The following NBEAL1 variants were observed in gnomAD, a reference collection of about 807,000 sequenced individuals.
The protein encoded by NBEAL1 is neurobeachin-like protein 1.
In NBEAL1, 273 loss-of-function variants were observed where a neutral mutation model predicts 351.3. The observed-to-expected ratio is 0.78, with a 90% CI of 0.70 to 0.86. NBEAL1 has a LOEUF of 0.86. Ranked by LOEUF, NBEAL1 falls within the 40% of genes least tolerant of loss-of-function variation. The pLI is 0.00. For synonymous variants in NBEAL1, 1,050 were observed against 1,086.4 expected, an observed-to-expected ratio of 0.97 and a Z score of 0.66; for missense variants, 2,961 against 3,201.3, an observed-to-expected ratio of 0.92 and a Z score of 1.81.
At chr2:203,213,712 C>T (rs932776111) in intron 55 of NBEAL1, 59 bp downstream of exon 55, 24 of 1,600,472 alleles carry the variant, frequency 1.5e-5, no homozygotes, top group Non-Finnish European at 2.0e-5. Context: ...TTTGGTTCTC[C>T]TTCATTCCAA....
intron 44 of NBEAL1, among the ~76,000 whole-genome samples, chr2:203,188,192 T>C (rs969212974): frequency 6.6e-6 from 1 of 152,166 alleles, no homozygotes; most frequent in Non-Finnish European, 1.5e-5. Context: ...TTTGCTGTTG[T>C]TTTTGGGCTG....
chr2:203,042,306 C>T (rs1360886568), intron 3 of NBEAL1, among the ~76,000 whole-genome samples: 1 of 152,242 alleles, frequency 6.6e-6, no homozygotes, highest in Non-Finnish European at 1.5e-5. Context: ...AAGCACTATA[C>T]TTGTGATTAC....
chr2:203,187,790 C>T (rs150227725), intron 44 of NBEAL1, among the ~76,000 whole-genome samples: 2,183 of 152,122 alleles, frequency 0.014, 25 homozygotes, highest in Middle Eastern at 0.051. Context: ...GATCTTACTG[C>T]TCTCACACTT....
intron 42 of NBEAL1, among the ~76,000 whole-genome samples, chr2:203,179,908 G>C (rs980232882): frequency 6.6e-6 from 1 of 152,032 alleles, no homozygotes; most frequent in Non-Finnish European, 1.5e-5. Context: ...CAAGTAGCTG[G>C]GATTACAGGT....
Position 203,057,334 on chromosome 2 carries a change from C to CA in NBEAL1, c.405dup (p.Glu136ArgfsTer11), listed in dbSNP as rs199940828. 357 of 1,506,080 alleles carry CA rather than the reference C, an allele frequency of 2.4e-4. No individual in the cohort carries two copies. The highest frequency in any genetic ancestry group is 3.0e-4 in the South Asian group (24 of 80,292). 93.3% of individuals were successfully genotyped at this position (1,506,080 alleles called of 1,614,324 possible). A position where few individuals can be genotyped will look rare whatever the true frequency, so the allele number is the denominator to read the frequency against. Reference sequence around the variant, plus strand: ...TTTAACTTTGTTCTCAGTTAAAAAGCAAAAAAAAAGAGAAGGAAATGGCAG... The same window carrying CA: ...TTTAACTTTGTTCTCAGTTAAAAAGCAAAAAAAAAAGAGAAGGAAATGGCAG... On this transcript the variant is annotated frameshift_variant, in exon 6 of 56. Transcript: ENST00000683969. LOFTEE classifies it high-confidence loss of function.
chr2:203,194,731 G>A (rs191935820), intron 47 of NBEAL1, among the ~76,000 whole-genome samples: 2 of 152,140 alleles, frequency 1.3e-5, no homozygotes. Context: ...CTCACCCACC[G>A]CCTACAAAAC....
At chr2:203,080,228 T>G (rs1318709209) in intron 8 of NBEAL1, among the ~76,000 whole-genome samples, 1 of 151,580 alleles carries the variant, frequency 6.6e-6, no homozygotes, top group Non-Finnish European at 1.5e-5. Flanking sequence ...GCTAACATGG[T>G]GAAACCCTGT....
Position 203,167,229 on chromosome 2 carries a change from G to A in NBEAL1, c.5866G>A (p.Val1956Ile). Reference sequence around the variant, plus strand: ...CACAAGATTTCTTCCGTTTTCAGGAGTAGGCTTTGATTTCAAGTGGCCTCA... The same window carrying A: ...CACAAGATTTCTTCCGTTTTCAGGAATAGGCTTTGATTTCAAGTGGCCTCA... ...YDGSIEKEDG[V>I]GFDFKWPHSQ... Residue 1956 changes from valine (V) to isoleucine (I), a missense_variant and splice_region_variant, in exon 38 of 56, where the codon GTA becomes ATA. By Grantham distance (29) the Val-to-Ile change is conservative. Coordinates refer to ENST00000683969, the MANE Select transcript of NBEAL1 (RefSeq NM_001378026.1). 1 of 1,608,794 alleles carries A rather than the reference G, an allele frequency of 6.2e-7. No individual in the cohort carries two copies. Among genetic ancestry groups the A allele is most frequent in the African/African-American group, 1.3e-5 (1 of 74,638 alleles).
rs899888796 is a variant in NBEAL1 at position 203,110,139 on chromosome 2, A to T, written c.1950-11A>T. 1.3e-5 allele frequency: 20 copies of T among 1,541,346 alleles called. No individual in the cohort carries two copies. The South Asian group carries it at 1.5e-4, about 11-fold the overall frequency. ...AACTTTAAAAGTTCTGATAATACGT[A>T]TTTTTTTTAGTTTTTTTACAGGAAG... is the stretch of plus-strand genomic sequence containing the variant. On this transcript the variant is annotated splice_polypyrimidine_tract_variant and intron_variant, in intron 14 of 55. Transcript: ENST00000683969.
intron 14 of NBEAL1, among the ~76,000 whole-genome samples, chr2:203,108,546 C>A (rs528558552): frequency 6.6e-6 from 1 of 152,042 alleles, no homozygotes; most frequent in East Asian, 1.9e-4. Context: ...CTACAGGCAC[C>A]CGCCACCACG....
chr2:203,139,249 G>A (rs191806267), intron 31 of NBEAL1, among the ~76,000 whole-genome samples: 61 of 151,870 alleles, frequency 4.0e-4, no homozygotes, highest in African/African-American at 1.4e-3. Flanking sequence ...ATAAATATTG[G>A]TCACAAGGAA....
Position 203,016,377 on chromosome 2 carries a change from A to G in NBEAL1, c.-8A>G. 6.8e-7 allele frequency: 1 copy of G among 1,479,116 alleles called. No individual in the cohort carries two copies. Among genetic ancestry groups the G allele is most frequent in the Non-Finnish European group, 9.1e-7 (1 of 1,097,872 alleles). 91.6% of individuals were successfully genotyped at this position (1,479,116 alleles called of 1,614,324 possible). On this transcript the variant is annotated 5_prime_UTR_variant, in exon 2 of 56. Coordinates refer to ENST00000683969, the MANE Select transcript of NBEAL1 (RefSeq NM_001378026.1). Reference sequence around the variant, plus strand: ...AGGAAAACTTAAAGTGCCAGAGTGAAAGCCAGAATGGCATCCAGAGAGAGG... The same window carrying G: ...AGGAAAACTTAAAGTGCCAGAGTGAGAGCCAGAATGGCATCCAGAGAGAGG...
At position 203,084,565 on chromosome 2, in the gene NBEAL1, G is replaced by A. The variant is rs1408291781; in HGVS notation, c.1094G>A (p.Cys365Tyr). ...FEHLIRLLQN[C>Y]KLFLNANNKV... ...CATCTCATACGACTGCTACAGAACT[G>A]CAAGGTATTTTTCTATTATTGTTGT... The change falls in exon 10 of 56, where the codon TGC becomes TAC. Residue 365 changes from cysteine to tyrosine, a missense_variant. By Grantham distance (194) the Cys-to-Tyr change is radical. Coordinates refer to ENST00000683969, the MANE Select transcript of NBEAL1 (RefSeq NM_001378026.1). 1 of 1,486,162 alleles carries A rather than the reference G, an allele frequency of 6.7e-7. No homozygotes were observed. Among genetic ancestry groups the A allele is most frequent in the South Asian group, 1.4e-5 (1 of 73,564 alleles). The allele number at this position is 1,486,162 out of a possible 1,614,324, so 92.1% of individuals were successfully genotyped here. A position where few individuals can be genotyped will look rare whatever the true frequency, so the allele number is the denominator to read the frequency against.
intron 45 of NBEAL1, among the ~76,000 whole-genome samples, chr2:203,189,938 C>T (rs964460965): frequency 6.6e-6 from 1 of 151,732 alleles, no homozygotes; most frequent in Non-Finnish European, 1.5e-5. Flanking sequence ...AAGTTCAAGA[C>T]CAGCCTGGCC....
intron 7 of NBEAL1, among the ~76,000 whole-genome samples, chr2:203,069,730 A>G (rs1367872012): frequency 6.6e-6 from 1 of 152,182 alleles, no homozygotes; most frequent in African/African-American, 2.4e-5. Flanking sequence ...ATCATAGCTC[A>G]CTATATAACC....
chr2:203,133,864 C>T (rs965673611), intron 27 of NBEAL1, among the ~76,000 whole-genome samples: 6 of 151,212 alleles, frequency 4.0e-5, no homozygotes, highest in Non-Finnish European at 7.4e-5. Context: ...GTATAATTTC[C>T]TTTTCTCTTT....
At chr2:203,030,892 A>G (rs758223112) in intron 2 of NBEAL1, among the ~76,000 whole-genome samples, 38 of 152,160 alleles carry the variant, frequency 2.5e-4, no homozygotes, top group Non-Finnish European at 4.3e-4. Context: ...GTGCATGCCT[A>G]TAGTCACAGC....
intron 17 of NBEAL1, among the ~76,000 whole-genome samples, chr2:203,115,097 G>A (rs1030907593): frequency 1.3e-5 from 2 of 150,760 alleles, no homozygotes; most frequent in Non-Finnish European, 3.0e-5. Flanking sequence ...GATTCAAGAC[G>A]TGTTATTTAC....
intron 18 of NBEAL1, among the ~76,000 whole-genome samples, chr2:203,118,941 T>G (rs115157364): frequency 0.017 from 2,516 of 150,356 alleles, 66 homozygotes; most frequent in African/African-American, 0.058. Context: ...AAAGTAACTT[T>G]GAATTTGTTA....
Sources: allele counts gnomAD v4.1 joint callset (sites outside exome capture counted in the v4.1 genomes callset), GRCh38; gene constraint gnomAD v4.1.1; transcripts MANE v1.5; gene names NCBI Gene and HGNC (gene_info 2026-07-23, HGNC 2026-07-21).